Variants in IL20RB observed in about 807,000 individuals in gnomAD.
IL20RB encodes the protein interleukin-20 receptor subunit beta.
IL20RB carries 21 observed loss-of-function variants against 33.3 expected under a neutral mutation model. That is an observed-to-expected ratio of 0.63 (90% CI 0.45 to 0.91). The LOEUF (loss-of-function observed/expected upper bound fraction) is 0.91. IL20RB is among the 40% of genes least tolerant of loss of function. The probability of loss-of-function intolerance (pLI) is 0.00; values close to 1 mark genes in which losing one functional copy is unlikely to be tolerated. For synonymous variants in IL20RB, 147 were observed against 146.8 expected (o/e 1.00, Z -0.01); for missense variants, 345 against 384.8 (o/e 0.90, Z 0.86).
At chr3:136,977,581 G>A (rs748974535) in intron 1 of IL20RB, among the ~76,000 whole-genome samples, 5 of 151,696 alleles carry the variant, frequency 3.3e-5, no homozygotes, top group African/African-American at 4.8e-5. Context: ...GCTGGAGTGC[G>A]GTGGTGCAAT....
intron 1 of IL20RB, chr3:136,969,288 TC>T (rs1941403116): frequency 1.7e-5 from 2 of 119,042 alleles, no homozygotes; most frequent in Non-Finnish European, 3.2e-5. Flanking sequence ...GGGCGCCCCT[TC>T]CCCAGCCTCG....
chr3:136,988,293 TG>T (rs554890711), intron 3 of IL20RB, among the ~76,000 whole-genome samples: 335 of 152,284 alleles, frequency 2.2e-3, no homozygotes, highest in Non-Finnish European at 3.7e-3. Flanking sequence ...GTAACCAGGG[TG>T]TAGAGACTAT....
At chr3:136,989,416 G>A (rs1941986117) in intron 3 of IL20RB, 25 bp from the exon 4 acceptor site, 6 of 1,612,688 alleles carry the variant, frequency 3.7e-6, no homozygotes, top group Non-Finnish European at 5.1e-6. Context: ...GGCTGGCTTT[G>A]ACTCTCCTGT....
At chr3:136,988,852 G>A (rs1941970012) in intron 3 of IL20RB, among the ~76,000 whole-genome samples, 1 of 152,212 alleles carries the variant, frequency 6.6e-6, no homozygotes, top group Admixed American at 6.5e-5. Flanking sequence ...GCTGATATGT[G>A]AAAGTTATCA....
chr3:136,994,725 G>A (rs983062443), intron 5 of IL20RB, among the ~76,000 whole-genome samples: 1 of 152,132 alleles, frequency 6.6e-6, no homozygotes, highest in East Asian at 1.9e-4. Flanking sequence ...CAATTATTTG[G>A]TAGAATGACT....
At chr3:136,973,763 T>C (rs921665802) in intron 1 of IL20RB, among the ~76,000 whole-genome samples, 2 of 152,216 alleles carry the variant, frequency 1.3e-5, no homozygotes, top group Non-Finnish European at 2.9e-5. Flanking sequence ...TGCATATATA[T>C]TTAGAATTGT....
intron 3 of IL20RB, among the ~76,000 whole-genome samples, chr3:136,984,848 A>G (rs766364509): frequency 1.3e-5 from 2 of 152,140 alleles, no homozygotes; most frequent in Non-Finnish European, 2.9e-5. Context: ...TCGAAGTGGC[A>G]GGATCTGGGG....
chr3:136,977,988 T>G (rs765692731), intron 1 of IL20RB, among the ~76,000 whole-genome samples: 14 of 152,294 alleles, frequency 9.2e-5, no homozygotes, highest in African/African-American at 3.4e-4. Flanking sequence ...TTCAGTAGTA[T>G]GTTGAATAAG....
Position 137,010,140 on chromosome 3 carries a change from A to C in IL20RB, c.853A>C (p.Ile285Leu), listed in dbSNP as rs1012924723. Reference protein sequence around the residue: ...LKITNSPQKLISCRREEVDAC... With the variant: ...LKITNSPQKLLSCRREEVDAC... ...AATAACCAATTCACCCCAGAAGTTA[A>C]TCAGCTGCAGAAGGGAGGAGGTGGA... Residue 285 changes from isoleucine (I) to leucine (L), a missense_variant, in exon 7 of 7, where the codon ATC (isoleucine) becomes CTC (leucine). Coordinates refer to ENST00000329582, the MANE Select transcript of IL20RB (RefSeq NM_144717.4). 30 of 1,602,338 alleles carry C rather than the reference A, an allele frequency of 1.9e-5. No homozygotes were observed. Among genetic ancestry groups the C allele is most frequent in the Non-Finnish European group, 2.4e-5 (28 of 1,169,320 alleles).
In IL20RB at chr3:137,003,931, G is replaced by A. The variant is rs539466726; in HGVS notation, c.826-6182G>A. On this transcript the variant is annotated intron_variant, in intron 6 of 6. Coordinates refer to ENST00000329582, the MANE Select transcript of IL20RB (RefSeq NM_144717.4). ...AATAGCTCTTATTATTTTGAGTTAC[G>A]TTCCATCAGTACCTAGTTTATTGAG... Among the ~76,000 whole-genome samples, 4 of 152,252 alleles carry A rather than the reference G, an allele frequency of 2.6e-5. No homozygotes were observed. In the South Asian group the frequency reaches 8.3e-4, roughly 32 times the overall value.
intron 4 of IL20RB, among the ~76,000 whole-genome samples, chr3:136,990,574 G>A (rs7633293): frequency 2.2e-4 from 33 of 152,110 alleles, no homozygotes; most frequent in African/African-American, 3.1e-4. Flanking sequence ...TCTAGCTCTC[G>A]GTATTCAGTT....
intron 4 of IL20RB, among the ~76,000 whole-genome samples, chr3:136,990,139 C>G (rs1294183899): frequency 6.6e-6 from 1 of 151,782 alleles, no homozygotes; most frequent in African/African-American, 2.4e-5. Flanking sequence ...GGAGGCCAGC[C>G]CTCACAGAGG....
intron 1 of IL20RB, among the ~76,000 whole-genome samples, chr3:136,971,982 A>G (rs1941497815): frequency 1.3e-5 from 2 of 151,938 alleles, no homozygotes; most frequent in South Asian, 4.2e-4. Flanking sequence ...TTTTCTCTGC[A>G]CCCTCATCAA....
chr3:136,984,621 G>C (rs763059173), intron 3 of IL20RB, among the ~76,000 whole-genome samples: 5 of 151,736 alleles, frequency 3.3e-5, no homozygotes, highest in Non-Finnish European at 5.9e-5. Flanking sequence ...GGAAGGTTTA[G>C]AAGAAGAGGA....
chr3:136,958,544 T>C (rs1941105092), intron 1 of IL20RB, among the ~76,000 whole-genome samples: 1 of 152,234 alleles, frequency 6.6e-6, no homozygotes, highest in Non-Finnish European at 1.5e-5. Context: ...GTCTTGGAGA[T>C]GTTAACTGTA....
At position 136,989,663 on chromosome 3, in the gene IL20RB, C is replaced by A. The variant is rs1431166020; in HGVS notation, c.531+98C>A. The A allele has an allele frequency of 6.5e-6, 9 of 1,382,948 alleles. No individual in the cohort carries two copies. In the Admixed American group the frequency reaches 1.6e-4, roughly 25 times the overall value. The allele number at this position is 1,382,948 out of a possible 1,614,324, so 85.7% of individuals were successfully genotyped here. A position where few individuals can be genotyped will look rare whatever the true frequency, so the allele number is the denominator to read the frequency against. ...AAGGCTGCCCCTGCTCACTGGGTGACCTGGGGATGAGCAGTCCTGGGTGAA... is the reference window on the plus strand; with the variant it reads ...AAGGCTGCCCCTGCTCACTGGGTGAACTGGGGATGAGCAGTCCTGGGTGAA... On this transcript the variant is annotated intron_variant, in intron 4 of 6. Transcript: ENST00000329582.
chr3:136,976,151 C>T (rs1167111513), intron 1 of IL20RB, among the ~76,000 whole-genome samples: 1 of 152,182 alleles, frequency 6.6e-6, no homozygotes, highest in East Asian at 1.9e-4. Context: ...AGAAGGAGTA[C>T]TAAGGTGCCC....
chr3:136,972,744 T>TAAA (rs1941518837), intron 1 of IL20RB, among the ~76,000 whole-genome samples: 1 of 150,692 alleles, frequency 6.6e-6, no homozygotes. Context: ...GAAGAAAAAT[T>TAAA]TTTTTTTTTC....
chr3:136,959,518 C>G (rs1159983084), intron 1 of IL20RB: 2 of 152,206 alleles, frequency 1.3e-5, no homozygotes, highest in Non-Finnish European at 2.9e-5. Flanking sequence ...GTTGTTGGAA[C>G]AGAAATGTTG....
Sources: gnomAD v4.1 joint callset for allele counts (sites outside exome capture counted in the v4.1 genomes callset) on GRCh38, gnomAD v4.1.1 for gene constraint, MANE v1.5 for transcripts, NCBI Gene and HGNC (gene_info 2026-07-23, HGNC 2026-07-21) for gene names.